TBXAS1: variants seen among roughly 807,000 people sequenced by gnomAD.
TBXAS1 encodes the protein thromboxane A synthase 1, also known as thromboxane-A synthase.
A neutral mutation model predicts 60.7 loss-of-function variants in TBXAS1; 48 were observed. The observed-to-expected ratio is 0.79, with a 90% confidence interval of 0.63 to 1.01. The LOEUF is 1.01. Ranked by LOEUF, TBXAS1 falls within the 50% of genes least tolerant of loss-of-function variation. The pLI, the probability that TBXAS1 is intolerant of heterozygous loss-of-function variation, is 0.00. For missense variants in TBXAS1, 685 were observed against 686.3 expected, an observed-to-expected ratio of 1.00 and a Z score of 0.02; for synonymous variants, 287 against 269.7, an observed-to-expected ratio of 1.06 and a Z score of -0.63.
chr7:139,935,711 C>T (rs917582419), intron 4 of TBXAS1, among the ~76,000 whole-genome samples: 1 of 152,128 alleles, frequency 6.6e-6, no homozygotes, highest in Non-Finnish European at 1.5e-5. Context: ...CCCCTTCCCT[C>T]TCCCTCCACC....
chr7:139,976,100 C>A (rs1278257483), intron 9 of TBXAS1, among the ~76,000 whole-genome samples: 2 of 152,178 alleles, frequency 1.3e-5, no homozygotes, highest in Non-Finnish European at 2.9e-5. Flanking sequence ...TCATCATTTT[C>A]CTTGTTAGGG....
intron 5 of TBXAS1, among the ~76,000 whole-genome samples, chr7:139,947,703 C>T (rs891610864): frequency 6.6e-6 from 1 of 152,240 alleles, no homozygotes; most frequent in Non-Finnish European, 1.5e-5. Flanking sequence ...CAGACAGCTG[C>T]TCAGCCTCAC....
At chr7:139,887,612 T>G (rs1365819898) in intron 3 of TBXAS1, among the ~76,000 whole-genome samples, 9 of 152,338 alleles carry the variant, frequency 5.9e-5, no homozygotes, top group Non-Finnish European at 1.0e-4. Flanking sequence ...ACTACTGCCT[T>G]TTTAAGGCTG....
In TBXAS1 at chr7:140,007,077, G is replaced by A. The variant is rs200117799; in HGVS notation, c.1135-14G>A. 8.2e-5 allele frequency: 132 copies of A among 1,612,606 alleles called. 1 individual carries two copies. The Middle Eastern group carries it at 8.2e-4, about 10-fold the overall frequency. ...TAACACGAACTTCTCCCTTTGTCAC[G>A]ACCCCTCCATCAGATGGCCCCTGAG... On this transcript the variant is annotated splice_polypyrimidine_tract_variant and intron_variant, in intron 9 of 12. Transcript: ENST00000448866.
Position 140,007,188 on chromosome 7 carries a change from T to A in TBXAS1, c.1226+6T>A, listed in dbSNP as rs773268187. The stretch of plus-strand genomic sequence containing the variant: ...ATGTACCCGCCAGCTTTCAGGTGTG[T>A]GGTAGCCCCCTCCCCTGCCCGAGTC... On this transcript the variant is annotated splice_donor_region_variant and intron_variant, in intron 10 of 12. Coordinates refer to ENST00000448866, the MANE Select transcript of TBXAS1 (RefSeq NM_001061.7). 1.2e-6 allele frequency: 2 copies of A among 1,614,024 alleles called. No individual in the cohort carries two copies. Among genetic ancestry groups the A allele is most frequent in the African/African-American group, 2.7e-5 (2 of 75,030 alleles).
intron 5 of TBXAS1, among the ~76,000 whole-genome samples, chr7:139,938,929 T>G (rs1808038289): frequency 6.6e-6 from 1 of 152,202 alleles, no homozygotes; most frequent in African/African-American, 2.4e-5. Flanking sequence ...CAGGGGATAC[T>G]CCAGAAAGTG....
intron 9 of TBXAS1, among the ~76,000 whole-genome samples, chr7:139,990,394 T>A (rs947079759): frequency 3.3e-5 from 5 of 152,208 alleles, no homozygotes; most frequent in Non-Finnish European, 7.4e-5. Flanking sequence ...CTACTGCAGC[T>A]ACCTGTGTCT....
At chr7:139,842,283 C>A (rs1799499769) in intron 1 of TBXAS1, among the ~76,000 whole-genome samples, 1 of 152,130 alleles carries the variant, frequency 6.6e-6, no homozygotes, top group Admixed American at 6.5e-5. Context: ...GTTGTATAAA[C>A]AAAGCAAAAC....
chr7:139,955,419 C>A (rs944658017), intron 6 of TBXAS1, 40 bp from the exon 7 acceptor site: 1 of 1,613,516 alleles, frequency 6.2e-7, no homozygotes, highest in Non-Finnish European at 8.5e-7. Context: ...GTAGCCCCTG[C>A]CAGAGTCCTT....
intron 1 of TBXAS1, among the ~76,000 whole-genome samples, chr7:139,867,865 A>G (rs1801539675): frequency 6.9e-6 from 1 of 144,090 alleles, no homozygotes; most frequent in Non-Finnish European, 1.5e-5. Context: ...AATAAAGAGA[A>G]AGCCTTGAGG....
At chr7:139,986,744 C>CATAT (rs1214895372) in intron 9 of TBXAS1, among the ~76,000 whole-genome samples, 28 of 89,812 alleles carry the variant, frequency 3.1e-4, no homozygotes, top group African/African-American at 1.3e-3. Flanking sequence ...TATATACATA[C>CATAT]ATATATATAT....
chr7:139,967,261 T>C (rs192681558), intron 9 of TBXAS1, among the ~76,000 whole-genome samples: 8 of 152,352 alleles, frequency 5.3e-5, no homozygotes, highest in Middle Eastern at 3.4e-3. Flanking sequence ...TCTCTCCAAG[T>C]ACTTTTCCTT....
In TBXAS1 at chr7:139,996,256, C is replaced by T. The variant is rs144188262; in HGVS notation, c.1135-10835C>T. Reference sequence around the variant, plus strand: ...TGCTGGGATTACAGGCGTGAGCCACCGTGCCAGCCATCAATGGTCTCTCTT... The same window carrying T: ...TGCTGGGATTACAGGCGTGAGCCACTGTGCCAGCCATCAATGGTCTCTCTT... On this transcript the variant is annotated intron_variant, in intron 9 of 12. Coordinates refer to ENST00000448866, the MANE Select transcript of TBXAS1 (RefSeq NM_001061.7). Among the ~76,000 whole-genome samples the T allele has an allele frequency of 8.1e-3, 1,230 of 152,122 alleles. 14 individuals carry two copies. The highest frequency in any genetic ancestry group is 0.028 in the African/African-American group (1,176 of 41,504).
At chr7:139,812,517 A>G (rs935357971) in intron 4 of TBXAS1, among the ~76,000 whole-genome samples, 1 of 152,212 alleles carries the variant, frequency 6.6e-6, no homozygotes. Context: ...ACACGTGGAA[A>G]AACGTCCTTT....
intron 4 of TBXAS1, among the ~76,000 whole-genome samples, chr7:139,796,065 T>C (rs749852281): frequency 6.6e-6 from 1 of 152,174 alleles, no homozygotes; most frequent in Non-Finnish European, 1.5e-5. Flanking sequence ...CCTGAAAACA[T>C]TGCTTTTCTA....
chr7:139,954,721 C>G (rs1809697782), intron 6 of TBXAS1, among the ~76,000 whole-genome samples: 1 of 152,138 alleles, frequency 6.6e-6, no homozygotes, highest in African/African-American at 2.4e-5. Context: ...TTTAAAATGG[C>G]CTTTTGAGGG....
At chr7:139,925,602 T>A (rs1418549514) in intron 4 of TBXAS1, among the ~76,000 whole-genome samples, 1 of 152,230 alleles carries the variant, frequency 6.6e-6, no homozygotes, top group Admixed American at 6.5e-5. Flanking sequence ...AAAGATAATT[T>A]GACTTCTTCC....
At chr7:139,875,010 G>A (rs562617421) in intron 2 of TBXAS1, among the ~76,000 whole-genome samples, 6 of 152,266 alleles carry the variant, frequency 3.9e-5, no homozygotes, top group Admixed American at 2.0e-4. Context: ...CAGGAGAATC[G>A]CTTGAATCCG....
At chr7:139,829,714 A>G (rs748265853) in intron 1 of TBXAS1, among the ~76,000 whole-genome samples, 1 of 152,242 alleles carries the variant, frequency 6.6e-6, no homozygotes, top group African/African-American at 2.4e-5. Context: ...AACGCTACAC[A>G]TAATTAAGTT....
Sources: gnomAD v4.1 joint callset for allele counts (sites outside exome capture counted in the v4.1 genomes callset) on GRCh38, gnomAD v4.1.1 for gene constraint, MANE v1.5 for transcripts, NCBI Gene and HGNC (gene_info 2026-07-23, HGNC 2026-07-21) for gene names.